The following GPC6 variants were observed in gnomAD, a reference collection of about 807,000 sequenced individuals.
The protein encoded by GPC6 is glypican 6.
In GPC6, 14 loss-of-function variants were observed where a neutral mutation model predicts 55.2. The ratio of observed to expected loss-of-function variants is 0.25; its 90% CI spans 0.17 to 0.40. GPC6 has a LOEUF of 0.40. Among genes scored for constraint, GPC6 ranks in the 10% least tolerant of loss-of-function variants. The pLI is 1.00. For synonymous variants in GPC6, 278 were observed against 259.6 expected (o/e 1.07, Z -0.68); for missense variants, 641 against 708.5 (o/e 0.90, Z 1.08).
intron 1 of GPC6, among the ~76,000 whole-genome samples, chr13:93,420,198 A>G (rs1172310266): frequency 6.6e-6 from 1 of 152,222 alleles, no homozygotes; most frequent in Non-Finnish European, 1.5e-5. Flanking sequence ...ATAAATTGAT[A>G]GAAGCTGTTC....
intron 1 of GPC6, among the ~76,000 whole-genome samples, chr13:93,231,373 A>ACG (rs1566533447): frequency 5.8e-5 from 1 of 17,354 alleles, no homozygotes; most frequent in Non-Finnish European, 9.9e-5. Flanking sequence ...ATATATATAT[A>ACG]TATATACATA....
chr13:93,729,515 T>A (rs1161217767), intron 2 of GPC6, among the ~76,000 whole-genome samples: 1 of 152,118 alleles, frequency 6.6e-6, no homozygotes, highest in African/African-American at 2.4e-5. Context: ...CTCATCCAAA[T>A]GCCTAAAAGA....
At chr13:93,988,341 T>TGTGCCAGCCAC (rs1364825459) in intron 3 of GPC6, among the ~76,000 whole-genome samples, 1 of 152,162 alleles carries the variant, frequency 6.6e-6, no homozygotes, top group African/African-American at 2.4e-5. Flanking sequence ...CCAGACCCTT[T>TGTGCCAGCCAC]GTGCCAGCCA....
chr13:94,291,970 G>A (rs1300185054), intron 5 of GPC6, among the ~76,000 whole-genome samples: 1 of 152,100 alleles, frequency 6.6e-6, no homozygotes, highest in Non-Finnish European at 1.5e-5. Flanking sequence ...TATTAAAGCA[G>A]TTACTATTAG....
chr13:93,553,313 A>T (rs913684314), intron 2 of GPC6, among the ~76,000 whole-genome samples: 2 of 150,092 alleles, frequency 1.3e-5, no homozygotes, highest in African/African-American at 4.9e-5. Flanking sequence ...TTGTATTCTA[A>T]GAATATGAGA....
chr13:94,012,696 A>G (rs1194310557), intron 3 of GPC6, among the ~76,000 whole-genome samples: 1 of 152,168 alleles, frequency 6.6e-6, no homozygotes, highest in Non-Finnish European at 1.5e-5. Context: ...AAAGCTGTAC[A>G]TGTTCCTGAG....
chr13:93,788,776 C>T (rs56100782), intron 2 of GPC6, among the ~76,000 whole-genome samples: 1 of 151,896 alleles, frequency 6.6e-6, no homozygotes, highest in Non-Finnish European at 1.5e-5. Flanking sequence ...GTTAGACAGG[C>T]TATATTAAGC....
intron 1 of GPC6, among the ~76,000 whole-genome samples, chr13:93,307,535 A>G (rs1367938846): frequency 6.6e-6 from 1 of 152,114 alleles, no homozygotes; most frequent in East Asian, 1.9e-4. Flanking sequence ...TAAACCACTC[A>G]TACCTATGTA....
At chr13:94,049,248 C>CAAA (rs776241623) in intron 4 of GPC6, among the ~76,000 whole-genome samples, 20,171 of 137,962 alleles carry the variant, frequency 0.15, 1,756 homozygotes, top group East Asian at 0.26. Flanking sequence ...GATCTTATCT[C>CAAA]AAAAAAAAAA....
intron 1 of GPC6, among the ~76,000 whole-genome samples, chr13:93,541,870 G>GATT: frequency 6.6e-6 from 1 of 151,328 alleles, no homozygotes; most frequent in African/African-American, 2.4e-5. Context: ...TTTTTGATGG[G>GATT]GTTGTTTTTT....
intron 1 of GPC6, among the ~76,000 whole-genome samples, chr13:93,420,057 T>C (rs1057508215): frequency 6.6e-6 from 1 of 152,124 alleles, no homozygotes; most frequent in African/African-American, 2.4e-5. Context: ...AACAACATTG[T>C]TTTTGCCCAA....
intron 2 of GPC6, among the ~76,000 whole-genome samples, chr13:93,655,071 G>C (rs1359195036): frequency 7.4e-6 from 1 of 135,506 alleles, no homozygotes; most frequent in Non-Finnish European, 1.5e-5. Context: ...AGGATGTCTC[G>C]ATCTCCTCGC....
At chr13:93,592,893 A>C (rs1439617199) in intron 2 of GPC6, among the ~76,000 whole-genome samples, 1 of 140,910 alleles carries the variant, frequency 7.1e-6, no homozygotes, top group South Asian at 2.4e-4. Flanking sequence ...AGAATAATTA[A>C]AGTTTAAATT....
At chr13:94,006,315 G>T (rs1215550941) in intron 3 of GPC6, among the ~76,000 whole-genome samples, 1 of 152,162 alleles carries the variant, frequency 6.6e-6, no homozygotes, top group East Asian at 1.9e-4. Flanking sequence ...TCGATATTGG[G>T]TGATGTATTG....
intron 3 of GPC6, among the ~76,000 whole-genome samples, chr13:93,957,392 T>G (rs181981691): frequency 6.6e-6 from 1 of 152,242 alleles, no homozygotes; most frequent in Non-Finnish European, 1.5e-5. Flanking sequence ...CCCCCTCCAC[T>G]AGTCGGCAGT....
chr13:93,632,431 G>A (rs892386359), intron 2 of GPC6, among the ~76,000 whole-genome samples: 2 of 151,698 alleles, frequency 1.3e-5, no homozygotes, highest in African/African-American at 2.4e-5. Flanking sequence ...GCAACATGGC[G>A]AAATTCATCT....
chr13:93,793,814 C>G (rs1886119702), intron 2 of GPC6, among the ~76,000 whole-genome samples: 2 of 152,112 alleles, frequency 1.3e-5, no homozygotes. Flanking sequence ...TAAACTCACT[C>G]CTGTCTTTGT....
chr13:94,048,851 A>G (rs1450755474), intron 4 of GPC6, among the ~76,000 whole-genome samples: 1 of 151,934 alleles, frequency 6.6e-6, no homozygotes. Context: ...CTGGAACGGT[A>G]CAGCTTCTTG....
intron 4 of GPC6, among the ~76,000 whole-genome samples, chr13:94,135,021 T>C (rs1179082616): frequency 6.6e-6 from 1 of 152,186 alleles, no homozygotes; most frequent in African/African-American, 2.4e-5. Context: ...ACCTTCAGAA[T>C]AGCCGTTGCC....
Sources: allele counts gnomAD v4.1 joint callset (sites outside exome capture counted in the v4.1 genomes callset), GRCh38; gene constraint gnomAD v4.1.1; transcripts MANE v1.5; gene names NCBI Gene and HGNC (gene_info 2026-07-23, HGNC 2026-07-21).